The following NDUFA10 variants were observed in gnomAD, a reference collection of about 807,000 sequenced individuals.
NDUFA10 encodes the protein NADH dehydrogenase [ubiquinone] 1 alpha subcomplex subunit 10, mitochondrial.
In NDUFA10, 40 loss-of-function variants were observed where a neutral mutation model predicts 47.8. The observed-to-expected ratio is 0.84, with a 90% CI of 0.65 to 1.09. The LOEUF (loss-of-function observed/expected upper bound fraction) is 1.09, where lower values mean the gene tolerates loss of function less well. Among genes scored for constraint, NDUFA10 ranks in the 50% least tolerant of loss-of-function variants. NDUFA10 has a pLI of 0.00. For synonymous variants in NDUFA10, 183 were observed against 172.2 expected (o/e 1.06, Z -0.49); for missense variants, 413 against 451.1 (o/e 0.92, Z 0.76).
chr2:239,988,978 A>C (rs969657241), intron 9 of NDUFA10, among the ~76,000 whole-genome samples: 1 of 151,076 alleles, frequency 6.6e-6, no homozygotes, highest in Non-Finnish European at 1.5e-5. Context: ...AAGGACAGAA[A>C]GGGAGAAACA....
At chr2:239,902,798 A>G (rs13404043) in intron 4 of NDUFA10, among the ~76,000 whole-genome samples, 128,772 of 152,050 alleles carry the variant, frequency 0.85, 54,574 homozygotes, top group East Asian at 0.99. Context: ...CAAAGCACCC[A>G]GACCTGCAGT....
At chr2:239,932,273 C>T (rs1574787241) in intron 4 of NDUFA10, among the ~76,000 whole-genome samples, 1 of 152,190 alleles carries the variant, frequency 6.6e-6, no homozygotes, top group African/African-American at 2.4e-5. Context: ...TAATTCATTG[C>T]TTGGCTGAAA....
intron 8 of NDUFA10, 88 bp from the exon 9 acceptor site, chr2:239,990,270 A>G: frequency 2.8e-6 from 3 of 1,054,840 alleles, no homozygotes; most frequent in Non-Finnish European, 4.3e-6. Context: ...TTAAACATCC[A>G]TATAAAAAAT....
intron 4 of NDUFA10, among the ~76,000 whole-genome samples, chr2:239,912,900 T>A (rs1693779743): frequency 6.6e-6 from 1 of 152,206 alleles, no homozygotes; most frequent in Non-Finnish European, 1.5e-5. Context: ...GATCTTCCGA[T>A]TCCCGAGTCT....
At chr2:239,913,471 T>G (rs894953143) in intron 4 of NDUFA10, among the ~76,000 whole-genome samples, 5 of 152,154 alleles carry the variant, frequency 3.3e-5, no homozygotes, top group African/African-American at 1.2e-4. Flanking sequence ...TCTAAGGGGC[T>G]CAGCACACAT....
At chr2:239,972,216 A>C (rs1450664322) in intron 9 of NDUFA10, among the ~76,000 whole-genome samples, 1 of 151,968 alleles carries the variant, frequency 6.6e-6, no homozygotes, top group Non-Finnish European at 1.5e-5. Flanking sequence ...TATTATACAT[A>C]TAAATAAATA....
At chr2:239,916,019 T>C (rs988709170) in intron 4 of NDUFA10, among the ~76,000 whole-genome samples, 5 of 139,324 alleles carry the variant, frequency 3.6e-5, no homozygotes, top group East Asian at 2.2e-4. Context: ...TACAGATACA[T>C]AGAGAGACAC....
At position 239,958,168 on chromosome 2, in the gene NDUFA10, A is replaced by G. The variant is rs190725249; in HGVS notation, c.*2950T>C. ...ACAAGCTTTTCTTCAAAAAGCCCCA[A>G]TTTCTGACAGCCATGGCAGCTTTCC... On this transcript the variant is annotated 3_prime_UTR_variant, in exon 10 of 10. Coordinates refer to ENST00000252711, the MANE Select transcript of NDUFA10 (RefSeq NM_004544.4). 1 of 152,034 alleles carries G rather than the reference A, an allele frequency of 6.6e-6. No homozygotes were observed. Among genetic ancestry groups the G allele is most frequent in the Non-Finnish European group, 1.5e-5 (1 of 67,988 alleles). 9.4% of individuals were successfully genotyped at this position (152,034 alleles called of 1,614,324 possible). A position where few individuals can be genotyped will look rare whatever the true frequency, so the allele number is the denominator to read the frequency against.
intron 1 of NDUFA10, 92 bp downstream of exon 1, chr2:240,025,135 G>T: frequency 8.4e-7 from 1 of 1,187,690 alleles, no homozygotes; most frequent in Non-Finnish European, 1.1e-6. Flanking sequence ...GGGAGCCGCC[G>T]CCAGAGGCCG....
At chr2:239,981,384 T>C (rs957921000) in intron 9 of NDUFA10, among the ~76,000 whole-genome samples, 1 of 150,676 alleles carries the variant, frequency 6.6e-6, no homozygotes. Context: ...AGAGCAGCGC[T>C]CCAGAGACAG....
chr2:240,003,386 G>A (rs1041914856), intron 8 of NDUFA10, among the ~76,000 whole-genome samples: 5 of 152,204 alleles, frequency 3.3e-5, no homozygotes, highest in African/African-American at 1.2e-4. Flanking sequence ...TGAGGAGAGG[G>A]AAGTTGAGTG....
intron 9 of NDUFA10, among the ~76,000 whole-genome samples, chr2:239,980,661 A>G (rs1442745228): frequency 1.3e-5 from 2 of 152,240 alleles, no homozygotes; most frequent in African/African-American, 4.8e-5. Context: ...TATGCAGAAA[A>G]GCTTCTTGAT....
chr2:239,916,790 C>A (rs1693887545), intron 4 of NDUFA10, among the ~76,000 whole-genome samples: 1 of 152,188 alleles, frequency 6.6e-6, no homozygotes, highest in Admixed American at 6.5e-5. Context: ...TTCACGAGAG[C>A]CTTGATTCCC....
chr2:240,011,813 G>A (rs1217202981), intron 5 of NDUFA10, 117 bp from the exon 6 acceptor site: 1 of 866,112 alleles, frequency 1.2e-6, no homozygotes, highest in East Asian at 2.6e-5. Context: ...ACTCACACCG[G>A]GCACTGTGGG....
chr2:240,015,030 T>C (rs558974082), intron 4 of NDUFA10, among the ~76,000 whole-genome samples, 170 bp from the exon 5 acceptor site: 1 of 152,376 alleles, frequency 6.6e-6, no homozygotes, highest in East Asian at 1.9e-4. Flanking sequence ...ACACATGGCA[T>C]GTGACTGTGC....
rs3792089 is a variant in NDUFA10 at position 240,007,649 on chromosome 2, G to A, written c.750-279C>T. Among the ~76,000 whole-genome samples the A allele has an allele frequency of 0.12, 18,003 of 152,224 alleles. 1,253 individuals are homozygous for A. The highest frequency in any genetic ancestry group is 0.16 in the South Asian group (749 of 4,818). ...ACTACACTGCCCCCAAGCCAAGGGC[G>A]TGACAGACCACAGCCATCACTGTCC... On this transcript the variant is annotated intron_variant, in intron 6 of 9. Coordinates refer to ENST00000252711, the MANE Select transcript of NDUFA10 (RefSeq NM_004544.4).
intron 5 of NDUFA10, among the ~76,000 whole-genome samples, chr2:239,894,889 G>A (rs1275688792): frequency 6.6e-6 from 1 of 151,988 alleles, no homozygotes; most frequent in Non-Finnish European, 1.5e-5. Context: ...GCACGATCCT[G>A]AGGTACCTCA....
chr2:239,915,997 TAC>T (rs997740238), intron 4 of NDUFA10, among the ~76,000 whole-genome samples: 6 of 123,050 alleles, frequency 4.9e-5, no homozygotes, highest in African/African-American at 2.0e-4. Context: ...CATACACAGA[TAC>T]ACACAAATAT....
At chr2:239,998,685 A>C (rs1031333085) in intron 8 of NDUFA10, among the ~76,000 whole-genome samples, 1 of 152,192 alleles carries the variant, frequency 6.6e-6, no homozygotes, top group Non-Finnish European at 1.5e-5. Context: ...GAGGATTCCT[A>C]CGTGACCAGC....
Sources: allele counts gnomAD v4.1 joint callset (sites outside exome capture counted in the v4.1 genomes callset), GRCh38; gene constraint gnomAD v4.1.1; transcripts MANE v1.5; gene names NCBI Gene and HGNC (gene_info 2026-07-23, HGNC 2026-07-21).